Variants in GALNT13 observed in about 807,000 individuals in gnomAD.
GALNT13 encodes the protein polypeptide N-acetylgalactosaminyltransferase 13, also known as UDP-GalNAc:polypeptide N-acetylgalactosaminyltransferase 13.
Under a neutral mutation model 64.2 loss-of-function variants are expected in GALNT13, and 28 were observed. That is an observed-to-expected ratio of 0.44 (90% CI 0.32 to 0.60). GALNT13 has a LOEUF of 0.60. Ranked by LOEUF, GALNT13 falls within the 20% of genes least tolerant of loss-of-function variation. GALNT13 has a pLI of 0.05. For missense variants in GALNT13, 577 were observed against 669.8 expected (o/e 0.86, Z 1.53); for synonymous variants, 214 against 224.6 (o/e 0.95, Z 0.42).
chr2:154,146,559 C>T (rs1683613544), intron 4 of GALNT13, among the ~76,000 whole-genome samples: 1 of 151,914 alleles, frequency 6.6e-6, no homozygotes, highest in Admixed American at 6.6e-5. Context: ...GCGAATTTAG[C>T]ATAAAGATCC....
chr2:154,242,456 C>G (rs1251329188), intron 5 of GALNT13, among the ~76,000 whole-genome samples: 2 of 152,168 alleles, frequency 1.3e-5, no homozygotes, highest in African/African-American at 4.8e-5. Flanking sequence ...GCCAAAATGA[C>G]TTTCAAAAAT....
chr2:154,127,116 A>C (rs940080257), intron 3 of GALNT13, among the ~76,000 whole-genome samples: 7 of 152,168 alleles, frequency 4.6e-5, no homozygotes, highest in African/African-American at 1.7e-4. Flanking sequence ...TAGTGATGCA[A>C]GGAGAAAATA....
At chr2:154,053,517 T>C (rs1462963683) in intron 3 of GALNT13, among the ~76,000 whole-genome samples, 1 of 152,132 alleles carries the variant, frequency 6.6e-6, no homozygotes, top group Non-Finnish European at 1.5e-5. Context: ...GCCTGCTTTA[T>C]TAGTTTATTT....
At chr2:153,765,285 G>A in the GALNT13 span, among the ~76,000 whole-genome samples, 5 of 152,212 alleles carry the variant, frequency 3.3e-5, no homozygotes, top group African/African-American at 1.2e-4. Flanking sequence ...ACTCTGCAAA[G>A]CCACAGGGGT....
the GALNT13 span, among the ~76,000 whole-genome samples, chr2:153,210,267 G>C: frequency 7.2e-5 from 11 of 152,108 alleles, no homozygotes; most frequent in Non-Finnish European, 1.3e-4. Flanking sequence ...TCTTAAGAAT[G>C]ATATTAGTTT....
rs1694141860 is a variant in GALNT13, at chr2:154,313,222, CACTA to C, written c.1156+11634_1156+11637del. Among the ~76,000 whole-genome samples, 3 of 148,628 alleles carry C rather than the reference CACTA, an allele frequency of 2.0e-5. No individual in the cohort carries two copies. The South Asian group carries it at 6.4e-4, about 32-fold the overall frequency. ...ACACATATGTGTATACATACACACA[CACTA>C]TATATATATTTATGCATATGTATAT... On this transcript the variant is annotated intron_variant, in intron 9 of 12. Coordinates refer to ENST00000392825, the MANE Select transcript of GALNT13 (RefSeq NM_052917.4).
intron 4 of GALNT13, among the ~76,000 whole-genome samples, chr2:154,229,989 C>A (rs1169132884): frequency 2.0e-5 from 3 of 152,128 alleles, no homozygotes; most frequent in African/African-American, 4.8e-5. Context: ...GAATACTCCA[C>A]AGATGCACTA....
the GALNT13 span, among the ~76,000 whole-genome samples, chr2:153,454,023 A>T: frequency 2.8e-4 from 43 of 152,138 alleles, no homozygotes; most frequent in South Asian, 8.3e-3. Flanking sequence ...GAAAAATAAT[A>T]AAAAAATACC....
chr2:153,068,706 G>A, the GALNT13 span, among the ~76,000 whole-genome samples: 1 of 152,256 alleles, frequency 6.6e-6, no homozygotes, highest in South Asian at 2.1e-4. Context: ...TGCCTGTTGA[G>A]TGCTGTCCTG....
intron 9 of GALNT13, among the ~76,000 whole-genome samples, chr2:154,377,155 T>C (rs1200171930): frequency 6.6e-6 from 1 of 152,168 alleles, no homozygotes; most frequent in Non-Finnish European, 1.5e-5. Flanking sequence ...CATATTTAAA[T>C]ATATATTAGC....
At chr2:154,047,450 A>G (rs1455278176) in intron 3 of GALNT13, among the ~76,000 whole-genome samples, 2 of 152,136 alleles carry the variant, frequency 1.3e-5, no homozygotes, top group Non-Finnish European at 2.9e-5. Context: ...GTCTGGAGTT[A>G]ATGTGCTATG....
intron 3 of GALNT13, among the ~76,000 whole-genome samples, chr2:154,115,913 T>G (rs1305203226): frequency 6.6e-6 from 1 of 152,112 alleles, no homozygotes; most frequent in Non-Finnish European, 1.5e-5. Flanking sequence ...AAGCAGTTGT[T>G]TTCAAGTGTA....
chr2:154,340,365 C>T (rs1695692469), intron 9 of GALNT13, among the ~76,000 whole-genome samples: 3 of 152,126 alleles, frequency 2.0e-5, no homozygotes, highest in African/African-American at 7.2e-5. Context: ...CTGGGAACTA[C>T]AGGTGCATGC....
rs1299820225 is a variant in GALNT13, at chr2:154,245,799, A to G, written c.687-13A>G. On this transcript the variant is annotated splice_polypyrimidine_tract_variant and intron_variant, in intron 6 of 12. Coordinates refer to ENST00000392825, the MANE Select transcript of GALNT13 (RefSeq NM_052917.4). ...TATCATGTGTCTATAAATTGGTTTT[A>G]ATTTCTCTGCAGGAAAACGGTTGTC... 5.1e-6 allele frequency: 8 copies of G among 1,569,128 alleles called. No individual in the cohort carries two copies. The highest frequency in any genetic ancestry group is 7.0e-6 in the Non-Finnish European group (8 of 1,146,986).
chr2:153,613,178 C>T, the GALNT13 span, among the ~76,000 whole-genome samples: 1 of 152,074 alleles, frequency 6.6e-6, no homozygotes, highest in Non-Finnish European at 1.5e-5. Context: ...TTTGACCATA[C>T]AACAGAAGAG....
chr2:153,525,677 T>C, the GALNT13 span, among the ~76,000 whole-genome samples: 10 of 151,116 alleles, frequency 6.6e-5, no homozygotes, highest in African/African-American at 9.8e-5. Flanking sequence ...GAAAAAATAA[T>C]GTGTTCCATG....
chr2:153,175,727 C>G, the GALNT13 span, among the ~76,000 whole-genome samples: 1 of 152,106 alleles, frequency 6.6e-6, no homozygotes, highest in African/African-American at 2.4e-5. Flanking sequence ...TGATAAGACT[C>G]ATATTTTTAA....
the GALNT13 span, among the ~76,000 whole-genome samples, chr2:153,499,609 G>A: frequency 6.6e-6 from 1 of 152,152 alleles, no homozygotes; most frequent in Non-Finnish European, 1.5e-5. Context: ...CCTGTGCCAA[G>A]CCACCCTACA....
chr2:153,862,256 C>T, the GALNT13 span, among the ~76,000 whole-genome samples: 6 of 152,110 alleles, frequency 3.9e-5, no homozygotes, highest in Non-Finnish European at 5.9e-5. Context: ...AGAAGCAGCA[C>T]AAAGGTGTCA....
Sources: gnomAD v4.1 joint callset for allele counts (sites outside exome capture counted in the v4.1 genomes callset) on GRCh38, gnomAD v4.1.1 for gene constraint, MANE v1.5 for transcripts, NCBI Gene and HGNC (gene_info 2026-07-23, HGNC 2026-07-21) for gene names.